Variants in RBMS3 observed in about 807,000 individuals in gnomAD.
RBMS3 encodes RNA-binding motif, single-stranded-interacting protein 3.
RBMS3 carries 27 observed loss-of-function variants against 66.8 expected under a neutral mutation model. That is an observed-to-expected ratio of 0.40 (90% CI 0.30 to 0.56). The LOEUF is 0.56. RBMS3 is among the 20% of genes least tolerant of loss of function. The pLI, the probability that RBMS3 is intolerant of heterozygous loss-of-function variation, is 0.40. For missense variants in RBMS3, 513 were observed against 549.5 expected (o/e 0.93, Z 0.66); for synonymous variants, 188 against 183.0 (o/e 1.03, Z -0.22).
intron 4 of RBMS3, among the ~76,000 whole-genome samples, chr3:29,618,850 C>A (rs2048765581): frequency 6.6e-6 from 1 of 152,060 alleles, no homozygotes; most frequent in Admixed American, 6.6e-5. Context: ...TTCTCTTTTT[C>A]CCTATTCCAA....
chr3:29,324,753 C>T (rs1469066424), intron 1 of RBMS3, among the ~76,000 whole-genome samples: 1 of 151,692 alleles, frequency 6.6e-6, no homozygotes, highest in East Asian at 1.9e-4. Context: ...CTTTCCTTCT[C>T]TCCTTTTTCT....
At chr3:29,517,093 C>T (rs529027342) in intron 3 of RBMS3, among the ~76,000 whole-genome samples, 2 of 151,938 alleles carry the variant, frequency 1.3e-5, no homozygotes, top group African/African-American at 4.8e-5. Flanking sequence ...ACGTGTCTGT[C>T]GCCCAGCTAC....
chr3:29,300,321 AT>A (rs2033587158), intron 1 of RBMS3, among the ~76,000 whole-genome samples: 1 of 152,008 alleles, frequency 6.6e-6, no homozygotes, highest in Admixed American at 6.6e-5. Flanking sequence ...AATTCTAGAA[AT>A]TTTTGAAAAG....
In RBMS3 at chr3:29,726,137, C is replaced by T. The variant is rs545140406; in HGVS notation, c.400-13583C>T. Among the ~76,000 whole-genome samples the T allele has an allele frequency of 5.3e-5, 8 of 152,028 alleles. No individual in the cohort carries two copies. The East Asian group carries it at 9.6e-4, about 18-fold the overall frequency. On this transcript the variant is annotated intron_variant, in intron 4 of 14. Transcript: ENST00000383767. ...TGATTATCCCAATAGATGCAGAAAA[C>T]GCCTTCGATAAAATTCAACACCCCT... is the stretch of plus-strand genomic sequence containing the variant.
At chr3:29,878,185 G>T (rs1045264342) in intron 7 of RBMS3, among the ~76,000 whole-genome samples, 1 of 152,028 alleles carries the variant, frequency 6.6e-6, no homozygotes, top group Non-Finnish European at 1.5e-5. Flanking sequence ...GACAGGAAGC[G>T]GATCTCAGGC....
chr3:29,599,946 C>T (rs1216022370), intron 4 of RBMS3, among the ~76,000 whole-genome samples: 1 of 151,916 alleles, frequency 6.6e-6, no homozygotes. Context: ...AAGATGTAAG[C>T]ATACAAGTCA....
chr3:29,711,552 G>A lies in RBMS3; in HGVS notation c.400-28168G>A, dbSNP rs569277131. Among the ~76,000 whole-genome samples the A allele has an allele frequency of 1.5e-3, 233 of 152,184 alleles. 1 individual carries two copies. Among genetic ancestry groups the A allele is most frequent in the African/African-American group, 5.4e-3 (225 of 41,530 alleles). On this transcript the variant is annotated intron_variant, in intron 4 of 14. Transcript: ENST00000383767. Reference sequence around the variant, plus strand: ...AAATTTAGAACTTGAAGGGACATTAGAGACCACCTAATCCGACCATTTTAA... The same window carrying A: ...AAATTTAGAACTTGAAGGGACATTAAAGACCACCTAATCCGACCATTTTAA...
At chr3:29,800,161 C>T (rs2057343569) in intron 6 of RBMS3, among the ~76,000 whole-genome samples, 1 of 152,092 alleles carries the variant, frequency 6.6e-6, no homozygotes, top group Admixed American at 6.5e-5. Flanking sequence ...CAGTTTTATT[C>T]ACTCCCTGCC....
Position 29,509,916 on chromosome 3 carries a change from A to G in RBMS3, c.307+21417A>G, listed in dbSNP as rs74942288. 6.7e-3 allele frequency among the ~76,000 whole-genome samples: 1,023 copies of G among 152,350 alleles called. 26 individuals are homozygous for G. Among genetic ancestry groups the G allele is most frequent in the Admixed American group, 0.055 (837 of 15,306 alleles). ...TGCACGTGAAGTAGTTGTCCAATGC[A>G]TGTCTAAAAGAATAAAATGATGAAT... On this transcript the variant is annotated intron_variant, in intron 3 of 14. Transcript: ENST00000383767.
At chr3:29,337,798 C>T (rs757039151) in intron 1 of RBMS3, among the ~76,000 whole-genome samples, 14 of 152,172 alleles carry the variant, frequency 9.2e-5, no homozygotes, top group Non-Finnish European at 1.8e-4. Flanking sequence ...TACAATACTA[C>T]TTGTCTCTAC....
chr3:29,366,543 G>T (rs961064524), intron 1 of RBMS3, among the ~76,000 whole-genome samples: 1 of 125,242 alleles, frequency 8.0e-6, no homozygotes, highest in East Asian at 2.2e-4. Flanking sequence ...ACCAGGCTGA[G>T]CTAATTTTTA....
rs181938897 is a variant in RBMS3 at position 29,912,437 on chromosome 3, A to G, written c.939+12682A>G. On this transcript the variant is annotated intron_variant, in intron 10 of 14. Coordinates refer to ENST00000383767, the MANE Select transcript of RBMS3 (RefSeq NM_001003793.3). ...TAAATTTGTCTTTGTAAGTTTGATCATTAAATATTGTCATTGTCAGTAAGG... is the reference window on the plus strand; with the variant it reads ...TAAATTTGTCTTTGTAAGTTTGATCGTTAAATATTGTCATTGTCAGTAAGG... Among the ~76,000 whole-genome samples the G allele has an allele frequency of 2.6e-5, 4 of 152,226 alleles. No individual in the cohort carries two copies. In the East Asian group the frequency reaches 7.7e-4, roughly 29 times the overall value.
At position 29,529,537 on chromosome 3, in the gene RBMS3, C is replaced by T. The variant is rs542188475; in HGVS notation, c.307+41038C>T. Among the ~76,000 whole-genome samples the T allele has an allele frequency of 1.4e-4, 21 of 152,178 alleles. 1 individual carries two copies. The highest frequency in any genetic ancestry group is 5.1e-4 in the African/African-American group (21 of 41,530). On this transcript the variant is annotated intron_variant, in intron 3 of 14. Transcript: ENST00000383767. ...TAATCTAAATCTAAAAAAGAGCTTT[C>T]TGTTTTAAAGAGAGCAGAAACTCAG...
intron 2 of RBMS3, among the ~76,000 whole-genome samples, 154 bp from the exon 3 acceptor site, chr3:29,488,287 G>A (rs1246766886): frequency 6.6e-6 from 1 of 152,218 alleles, no homozygotes; most frequent in Non-Finnish European, 1.5e-5. Context: ...AAGAACTGGT[G>A]AAAGGACATC....
At chr3:29,790,918 C>G (rs1026931609) in intron 6 of RBMS3, among the ~76,000 whole-genome samples, 4 of 152,226 alleles carry the variant, frequency 2.6e-5, no homozygotes, top group Admixed American at 2.6e-4. Flanking sequence ...TGGTGAATGT[C>G]CCCTGATACT....
chr3:29,593,288 A>G (rs1576317950), intron 4 of RBMS3, among the ~76,000 whole-genome samples: 1 of 152,308 alleles, frequency 6.6e-6, no homozygotes, highest in South Asian at 2.1e-4. Context: ...TATGACAGGC[A>G]TTGTCAGCCA....
At chr3:29,536,913 G>A (rs532807333) in intron 3 of RBMS3, among the ~76,000 whole-genome samples, 8 of 152,250 alleles carry the variant, frequency 5.3e-5, no homozygotes, top group African/African-American at 1.9e-4. Context: ...TCAGAGGTGC[G>A]TTTTAGAATG....
chr3:29,380,731 A>G (rs1278465370), intron 1 of RBMS3, among the ~76,000 whole-genome samples: 1 of 152,202 alleles, frequency 6.6e-6, no homozygotes, highest in Non-Finnish European at 1.5e-5. Flanking sequence ...CCACAGATTG[A>G]TGCCAATTTG....
At chr3:29,912,995 G>A (rs2060552723) in intron 10 of RBMS3, among the ~76,000 whole-genome samples, 1 of 151,896 alleles carries the variant, frequency 6.6e-6, no homozygotes, top group African/African-American at 2.4e-5. Flanking sequence ...TAGTAGTTCT[G>A]TGCTGTTGAG....
Sources: allele counts gnomAD v4.1 joint callset (sites outside exome capture counted in the v4.1 genomes callset), GRCh38; gene constraint gnomAD v4.1.1; transcripts MANE v1.5; gene names NCBI Gene and HGNC (gene_info 2026-07-23, HGNC 2026-07-21).